TF: variants seen among roughly 807,000 people sequenced by gnomAD.
TF encodes the protein serotransferrin.
A neutral mutation model predicts 82.4 loss-of-function variants in TF; 55 were observed. That is an observed-to-expected ratio of 0.67 (90% CI 0.54 to 0.84). The LOEUF (loss-of-function observed/expected upper bound fraction) is 0.84, where lower values mean the gene tolerates loss of function less well. Ranked by LOEUF, TF falls within the 40% of genes least tolerant of loss-of-function variation. TF has a pLI of 0.00. For synonymous variants in TF, 332 were observed against 332.6 expected (o/e 1.00, Z 0.02); for missense variants, 737 against 868.4 (o/e 0.85, Z 1.90).
At chr3:133,756,076 G>T (rs1446492884) in intron 5 of TF, among the ~76,000 whole-genome samples, 4 of 151,976 alleles carry the variant, frequency 2.6e-5, no homozygotes, top group African/African-American at 9.7e-5. Context: ...TTGCTTCTTT[G>T]GGTTATGAGG....
the TF span, chr3:133,712,731 C>A: frequency 6.3e-6 from 1 of 159,160 alleles, no homozygotes; most frequent in East Asian, 1.6e-4. Context: ...TGTGTGGTGG[C>A]AGGTGCAATC....
the TF span, among the ~76,000 whole-genome samples, chr3:133,665,543 C>G: frequency 6.6e-6 from 1 of 151,740 alleles, no homozygotes; most frequent in African/African-American, 2.4e-5. Flanking sequence ...CCTCACTTTC[C>G]TGGCATTTAG....
At position 133,784,878 on chromosome 3, in the gene TF, T is replaced by C. The variant is rs1458058972; in HGVS notation, c.*6258T>C. ...AGAAGACATTTTCATATTCCAACCA[T>C]TGTTCTGTGTGTGCATTTTATTTCT... On this transcript the variant is annotated 3_prime_UTR_variant, in exon 17 of 17. Transcript: ENST00000402696. The C allele has an allele frequency of 6.6e-6, 1 of 152,294 alleles. No individual in the cohort carries two copies. The highest frequency in any genetic ancestry group is 2.4e-5 in the African/African-American group (1 of 41,462). 9.4% of individuals were successfully genotyped at this position (152,294 alleles called of 1,614,324 possible). A position where few individuals can be genotyped will look rare whatever the true frequency, so the allele number is the denominator to read the frequency against.
Position 133,764,795 on chromosome 3 carries a change from C to A in TF, c.1298-80C>A, listed in dbSNP as rs571080381. The A allele has an allele frequency of 3.7e-6, 5 of 1,369,134 alleles. No individual in the cohort carries two copies. The East Asian group carries it at 9.1e-5, about 25-fold the overall frequency. The allele number at this position is 1,369,134 out of a possible 1,614,324, so 84.8% of individuals were successfully genotyped here. ...TTTCTCTGACTTTCTTTATTCTTAGCTGCAGCATAAAAAAAAGGCATGGTT... is the reference window on the plus strand; with the variant it reads ...TTTCTCTGACTTTCTTTATTCTTAGATGCAGCATAAAAAAAAGGCATGGTT... On this transcript the variant is annotated intron_variant, in intron 10 of 16. Transcript: ENST00000402696.
the TF span, among the ~76,000 whole-genome samples, chr3:133,708,051 T>A: frequency 8.5e-5 from 13 of 152,192 alleles, no homozygotes; most frequent in African/African-American, 3.1e-4. Flanking sequence ...TAAAGCTTTC[T>A]TTTGAACTTA....
chr3:133,777,337 A>T, intron 16 of TF, 99 bp downstream of exon 16: 2 of 1,136,890 alleles, frequency 1.8e-6, no homozygotes, highest in Non-Finnish European at 2.6e-6. Flanking sequence ...GGCCCTTGGG[A>T]TAGGACAACA....
chr3:133,741,461 C>T (rs1175253995), upstream of TF, among the ~76,000 whole-genome samples: 1 of 152,074 alleles, frequency 6.6e-6, no homozygotes, highest in Non-Finnish European at 1.5e-5. Flanking sequence ...AAAGGATGAC[C>T]AGAAATGATA....
chr3:133,783,542 A>G lies in TF; in HGVS notation c.*4922A>G, dbSNP rs1259640239. On this transcript the variant is annotated 3_prime_UTR_variant, in exon 17 of 17. Coordinates refer to ENST00000402696, the MANE Select transcript of TF (RefSeq NM_001063.4). ...TCTTATATAGTACTTAGATTTTCCA[A>G]CATTCCACAAACCTAGTAGCAATTA... is the stretch of plus-strand genomic sequence containing the variant. The G allele has an allele frequency of 6.6e-6, 1 of 152,238 alleles. No individual in the cohort carries two copies. Among genetic ancestry groups the G allele is most frequent in the Non-Finnish European group, 1.5e-5 (1 of 68,044 alleles). 9.4% of individuals were successfully genotyped at this position (152,238 alleles called of 1,614,324 possible).
chr3:133,754,143 T>C (rs1481111494), intron 3 of TF: 3 of 416,798 alleles, frequency 7.2e-6, no homozygotes, highest in Admixed American at 7.3e-5. Context: ...CCAGGGGACA[T>C]GAAATACTTT....
chr3:133,708,387 G>A, the TF span, among the ~76,000 whole-genome samples: 4 of 152,268 alleles, frequency 2.6e-5, no homozygotes, highest in Admixed American at 6.5e-5. Context: ...TACAGTGTAT[G>A]TAAATATATG....
chr3:133,774,845 C>G, intron 14 of TF: 2 of 247,478 alleles, frequency 8.1e-6, no homozygotes, highest in South Asian at 4.2e-5. Context: ...GGAGCTGAAA[C>G]CCTAAGAATG....
chr3:133,694,646 G>A, the TF span, among the ~76,000 whole-genome samples: 1 of 152,224 alleles, frequency 6.6e-6, no homozygotes, highest in African/African-American at 2.4e-5. Flanking sequence ...ACAGACACAG[G>A]TCTGGGCTTT....
the TF span, among the ~76,000 whole-genome samples, chr3:133,733,244 A>G: frequency 6.6e-6 from 1 of 150,918 alleles, no homozygotes; most frequent in Non-Finnish European, 1.5e-5. Flanking sequence ...ACTCCCGAGC[A>G]TCTACTATCT....
chr3:133,700,202 G>A, the TF span: 2 of 152,698 alleles, frequency 1.3e-5, no homozygotes, highest in Admixed American at 1.3e-4. Flanking sequence ...CTGGGCCCTG[G>A]GGAGTAACTG....
At chr3:133,765,410 C>T (rs1397010434) in intron 11 of TF, among the ~76,000 whole-genome samples, 2 of 152,206 alleles carry the variant, frequency 1.3e-5, no homozygotes, top group East Asian at 3.9e-4. Flanking sequence ...CCCAGGCCAA[C>T]CTGGCTTCTC....
the TF span, among the ~76,000 whole-genome samples, chr3:133,719,589 T>A: frequency 1.3e-5 from 2 of 152,284 alleles, no homozygotes; most frequent in Non-Finnish European, 2.9e-5. Context: ...TTGTTTTGGC[T>A]ATTTGGGGTC....
the TF span, among the ~76,000 whole-genome samples, chr3:133,732,566 A>G: frequency 1.3e-5 from 2 of 152,188 alleles, no homozygotes; most frequent in African/African-American, 4.8e-5. Flanking sequence ...TGCTGTTTGC[A>G]AGAAATCTTG....
the TF span, among the ~76,000 whole-genome samples, chr3:133,700,659 T>C: frequency 2.6e-4 from 40 of 151,770 alleles, no homozygotes; most frequent in African/African-American, 9.0e-4. Context: ...ATCTGGGGGG[T>C]GGCCCCTGGC....
At chr3:133,774,580 T>C (rs1934338838) in intron 14 of TF, 1 of 152,552 alleles carries the variant, frequency 6.6e-6, no homozygotes, top group Non-Finnish European at 1.5e-5. Flanking sequence ...TAATGAGCCG[T>C]GGATGGAAAC....
Sources: allele counts gnomAD v4.1 joint callset (sites outside exome capture counted in the v4.1 genomes callset), GRCh38; gene constraint gnomAD v4.1.1; transcripts MANE v1.5; gene names NCBI Gene and HGNC (gene_info 2026-07-23, HGNC 2026-07-21).